The following MAPK10 variants were observed in gnomAD, a reference collection of about 807,000 sequenced individuals.
MAPK10 encodes mitogen-activated protein kinase 10.
A neutral mutation model predicts 59.3 loss-of-function variants in MAPK10; 25 were observed. That is an observed-to-expected ratio of 0.42 (90% CI 0.31 to 0.59). MAPK10 has a LOEUF of 0.59. MAPK10 is among the 20% of genes least tolerant of loss of function. The probability of loss-of-function intolerance (pLI) is 0.15; values close to 1 mark genes in which losing one functional copy is unlikely to be tolerated. For synonymous variants in MAPK10, 190 were observed against 200.5 expected (o/e 0.95, Z 0.44); for missense variants, 351 against 568.9 (o/e 0.62, Z 3.90).
chr4:86,135,522 C>T (rs533900477), intron 4 of MAPK10, among the ~76,000 whole-genome samples: 5 of 152,076 alleles, frequency 3.3e-5, no homozygotes, highest in Non-Finnish European at 7.4e-5. Flanking sequence ...ACATCCACAC[C>T]AAAAACCCAT....
chr4:86,342,430 C>T (rs2148941742), intron 2 of MAPK10, among the ~76,000 whole-genome samples: 1 of 152,210 alleles, frequency 6.6e-6, no homozygotes, highest in Admixed American at 6.5e-5. Context: ...ACAATAGTTC[C>T]AGGCAGTATT....
chr4:86,037,358 A>C (rs1276661776), intron 11 of MAPK10, among the ~76,000 whole-genome samples: 1 of 152,058 alleles, frequency 6.6e-6, no homozygotes, highest in African/African-American at 2.4e-5. Context: ...ATCTCTACTA[A>C]AAGTATAAAA....
At chr4:86,331,895 C>T (rs2096163995) in intron 2 of MAPK10, among the ~76,000 whole-genome samples, 1 of 152,102 alleles carries the variant, frequency 6.6e-6, no homozygotes, top group South Asian at 2.1e-4. Flanking sequence ...AAAAAAAAAG[C>T]TGTACCAAAT....
intron 1 of MAPK10, among the ~76,000 whole-genome samples, chr4:86,418,963 A>T (rs1272735126): frequency 6.6e-6 from 1 of 152,184 alleles, no homozygotes; most frequent in Non-Finnish European, 1.5e-5. Context: ...ATGAGGATGC[A>T]AAGGGATAAG....
intron 4 of MAPK10, among the ~76,000 whole-genome samples, chr4:86,134,765 T>A (rs1002101169): frequency 4.6e-5 from 7 of 152,196 alleles, no homozygotes; most frequent in Non-Finnish European, 1.0e-4. Context: ...CATTTCCATC[T>A]GAGGTACCAG....
intron 11 of MAPK10, among the ~76,000 whole-genome samples, chr4:86,049,513 A>C (rs1428059178): frequency 6.6e-6 from 1 of 152,054 alleles, no homozygotes; most frequent in Non-Finnish European, 1.5e-5. Flanking sequence ...TGTTAACATG[A>C]TAGGAACTGA....
chr4:86,099,253 TATG>T (rs1234098545), intron 8 of MAPK10: 1 of 152,314 alleles, frequency 6.6e-6, no homozygotes, highest in Non-Finnish European at 1.5e-5. Context: ...AAAAAAGACA[TATG>T]ATGAATTAGC....
chr4:86,449,556 T>C lies in MAPK10; in HGVS notation c.-122+3474A>G, dbSNP rs17011913. Among the ~76,000 whole-genome samples the C allele has an allele frequency of 1.8e-3, 271 of 152,340 alleles. 4 individuals are homozygous for C. The East Asian group carries it at 0.037, about 21-fold the overall frequency. ...CAATGTGATACATGAACAGATGATA[T>C]GGTTTTGGGTATACTAAGTATGGTG... is the stretch of plus-strand genomic sequence containing the variant. On this transcript the variant is annotated intron_variant, in intron 1 of 13. Transcript: ENST00000361569.
At chr4:86,560,659 G>C (rs1760609404) in intron 1 of MAPK10, among the ~76,000 whole-genome samples, 1 of 152,190 alleles carries the variant, frequency 6.6e-6, no homozygotes, top group South Asian at 2.1e-4. Flanking sequence ...GTAATACATT[G>C]GCAATTCCCT....
chr4:86,039,579 T>G (rs1398917703), intron 11 of MAPK10, among the ~76,000 whole-genome samples: 1 of 152,170 alleles, frequency 6.6e-6, no homozygotes, highest in African/African-American at 2.4e-5. Flanking sequence ...GCCACTCTAC[T>G]GCCAGGTCTA....
chr4:86,574,437 G>T (rs917121410), intron 1 of MAPK10, among the ~76,000 whole-genome samples: 4,012 of 100,312 alleles, frequency 0.04, 1 homozygote, highest in South Asian at 0.065. Flanking sequence ...GGGATGGCTG[G>T]GTCAAATGGT....
At chr4:86,471,078 G>A (rs1227152502) in intron 1 of MAPK10, among the ~76,000 whole-genome samples, 1 of 152,078 alleles carries the variant, frequency 6.6e-6, no homozygotes, top group East Asian at 1.9e-4. Flanking sequence ...AGACCAGCCT[G>A]ACCAATATGG....
chr4:86,463,852 A>G (rs1342114327), intron 1 of MAPK10, among the ~76,000 whole-genome samples: 3 of 152,242 alleles, frequency 2.0e-5, no homozygotes, highest in African/African-American at 7.2e-5. Flanking sequence ...AAGCAAGTCC[A>G]TAAAGCTCAA....
Position 86,029,261 on chromosome 4 carries a change from C to A in MAPK10, c.1188G>T (p.Lys396Asn). ...TCTTTTCTTCTGAATTCATTACTTC[C>A]TTGTAGATAAGTTCTGTAAGAAACA... ...TIEEWKELIY[K>N]EVMNSEEKTK... is the part of the protein sequence containing the mutation. The change falls in exon 13 of 14, where the codon AAG (lysine) becomes AAT (asparagine). Residue 396 changes from lysine (K) to asparagine (N), a missense_variant. Lys to Asn is a moderately conservative substitution (Grantham distance 94, BLOSUM62 0). Transcript: ENST00000641462. 6.2e-7 allele frequency: 1 copy of A among 1,607,154 alleles called. No individual in the cohort carries two copies. The highest frequency in any genetic ancestry group is 8.5e-7 in the Non-Finnish European group (1 of 1,174,264).
intron 2 of MAPK10, among the ~76,000 whole-genome samples, chr4:86,276,741 G>A (rs2094590114): frequency 6.6e-6 from 1 of 152,084 alleles, no homozygotes; most frequent in Non-Finnish European, 1.5e-5. Context: ...TCATAACAAT[G>A]CTGAGTGTCT....
At chr4:86,041,822 G>A (rs1003084599) in intron 11 of MAPK10, among the ~76,000 whole-genome samples, 1 of 152,202 alleles carries the variant, frequency 6.6e-6, no homozygotes, top group African/African-American at 2.4e-5. Context: ...AACAACAGAT[G>A]CTGGCGAGGC....
intron 4 of MAPK10, among the ~76,000 whole-genome samples, chr4:86,118,610 A>G (rs1051654713): frequency 2.0e-5 from 3 of 150,070 alleles, no homozygotes; most frequent in Admixed American, 2.0e-4. Context: ...ACACACACAC[A>G]CACACATCTC....
At chr4:86,420,858 G>C (rs1167455008) in intron 1 of MAPK10, among the ~76,000 whole-genome samples, 1 of 152,102 alleles carries the variant, frequency 6.6e-6, no homozygotes, top group East Asian at 1.9e-4. Context: ...GAGGCTGGTG[G>C]ATCATTTGAG....
chr4:86,569,546 C>A (rs1761306501), intron 1 of MAPK10, among the ~76,000 whole-genome samples: 1 of 152,142 alleles, frequency 6.6e-6, no homozygotes, highest in African/African-American at 2.4e-5. Flanking sequence ...GTCATGGAAT[C>A]AACCTACCTA....
Sources: allele counts gnomAD v4.1 joint callset (sites outside exome capture counted in the v4.1 genomes callset), GRCh38; gene constraint gnomAD v4.1.1; transcripts MANE v1.5; gene names NCBI Gene and HGNC (gene_info 2026-07-23, HGNC 2026-07-21).